The following CDK17 variants were observed in gnomAD, a reference collection of about 807,000 sequenced individuals.
CDK17 encodes cyclin dependent kinase 17, also known as cyclin-dependent kinase 17.
In CDK17, 24 loss-of-function variants were observed where a neutral mutation model predicts 77.6. The ratio of observed to expected loss-of-function variants is 0.31; its 90% CI spans 0.22 to 0.44. CDK17 has a LOEUF of 0.44. Ranked by LOEUF, CDK17 falls within the 20% of genes least tolerant of loss-of-function variation. The pLI is 1.00. For synonymous variants in CDK17, 203 were observed against 210.4 expected (o/e 0.96, Z 0.30); for missense variants, 429 against 622.5 (o/e 0.69, Z 3.31).
intron 1 of CDK17, among the ~76,000 whole-genome samples, chr12:96,393,685 G>C (rs1954113490): frequency 6.6e-6 from 1 of 152,046 alleles, no homozygotes; most frequent in Non-Finnish European, 1.5e-5. Context: ...AAGAAGCAGT[G>C]ATCACACCAC....
intron 1 of CDK17, among the ~76,000 whole-genome samples, chr12:96,386,329 A>C (rs1376391472): frequency 6.6e-6 from 1 of 152,138 alleles, no homozygotes; most frequent in Non-Finnish European, 1.5e-5. Flanking sequence ...TCACTTCAAA[A>C]AATTTCCACA....
At chr12:96,330,788 T>C (rs1952955538) in intron 2 of CDK17, among the ~76,000 whole-genome samples, 1 of 152,258 alleles carries the variant, frequency 6.6e-6, no homozygotes, top group South Asian at 2.1e-4. Flanking sequence ...TTAGCTGTTG[T>C]GAATAGTGCT....
intron 1 of CDK17, among the ~76,000 whole-genome samples, chr12:96,378,816 A>C (rs909407583): frequency 6.6e-6 from 1 of 152,234 alleles, no homozygotes; most frequent in African/African-American, 2.4e-5. Flanking sequence ...AGATATGGAA[A>C]GATCTCCAGA....
chr12:96,390,383 G>A (rs527348680), intron 1 of CDK17, among the ~76,000 whole-genome samples: 2 of 146,482 alleles, frequency 1.4e-5, no homozygotes, highest in African/African-American at 5.0e-5. Context: ...CACCCACCTA[G>A]GCCTCCCAAA....
In CDK17 at chr12:96,400,179, G is replaced by T. The variant is rs1592782754; in HGVS notation, c.-223C>A. The T allele has an allele frequency of 5.1e-6, 2 of 394,576 alleles. No homozygotes were observed. The highest frequency in any genetic ancestry group is 9.0e-6 in the Non-Finnish European group (2 of 223,454). 24.4% of individuals were successfully genotyped at this position (394,576 alleles called of 1,614,324 possible). A position where few individuals can be genotyped will look rare whatever the true frequency, so the allele number is the denominator to read the frequency against. On this transcript the variant is annotated 5_prime_UTR_variant, in exon 1 of 17. Transcript: ENST00000261211. ...CGCCGCGGGTCCGGAGCCTCGGGAG[G>T]GGCCGCGGGTGTCTCACGCGTTGCC...
At chr12:96,398,887 G>A (rs189872807) in intron 1 of CDK17, among the ~76,000 whole-genome samples, 3 of 152,304 alleles carry the variant, frequency 2.0e-5, no homozygotes, top group Admixed American at 2.0e-4. Flanking sequence ...TGTAAAGGAG[G>A]CGAGAGCCAC....
intron 10 of CDK17, among the ~76,000 whole-genome samples, chr12:96,292,230 ACT>A (rs1385545318): frequency 6.6e-6 from 1 of 152,144 alleles, no homozygotes; most frequent in Non-Finnish European, 1.5e-5. Flanking sequence ...TCCAGAATAA[ACT>A]CACCATTTAA....
intron 2 of CDK17, among the ~76,000 whole-genome samples, chr12:96,333,953 C>T (rs1953006012): frequency 6.6e-6 from 1 of 152,120 alleles, no homozygotes; most frequent in Non-Finnish European, 1.5e-5. Flanking sequence ...AAGTCCAGAG[C>T]CCACTCCACT....
chr12:96,283,908 T>C (rs1026070638), intron 13 of CDK17, among the ~76,000 whole-genome samples: 1 of 152,220 alleles, frequency 6.6e-6, no homozygotes, highest in Non-Finnish European at 1.5e-5. Flanking sequence ...AAAATCACCA[T>C]GCTGTCTCAA....
At chr12:96,367,485 G>A (rs970259058) in intron 1 of CDK17, among the ~76,000 whole-genome samples, 1 of 151,430 alleles carries the variant, frequency 6.6e-6, no homozygotes, top group African/African-American at 2.4e-5. Flanking sequence ...ATAAGAAAAT[G>A]TGAATTATAC....
intron 4 of CDK17, among the ~76,000 whole-genome samples, chr12:96,312,466 A>G (rs1205034428): frequency 1.3e-5 from 2 of 152,192 alleles, no homozygotes; most frequent in Non-Finnish European, 2.9e-5. Context: ...TTTCATTAGT[A>G]TTGTGTCACA....
At chr12:96,309,469 T>C (rs1414451300) in intron 5 of CDK17, among the ~76,000 whole-genome samples, 1 of 152,238 alleles carries the variant, frequency 6.6e-6, no homozygotes, top group Non-Finnish European at 1.5e-5. Flanking sequence ...AACAATCACC[T>C]GAATTTACAT....
At chr12:96,371,976 G>A (rs1244737484) in intron 1 of CDK17, among the ~76,000 whole-genome samples, 1 of 136,576 alleles carries the variant, frequency 7.3e-6, no homozygotes, top group East Asian at 2.1e-4. Context: ...GAGGGGGGAC[G>A]GAGAGAGAGA....
intron 1 of CDK17, among the ~76,000 whole-genome samples, chr12:96,360,682 C>T (rs1433956720): frequency 7.9e-5 from 12 of 152,166 alleles, no homozygotes; most frequent in African/African-American, 2.9e-4. Flanking sequence ...AAGCAGACAA[C>T]AATGCAGTGT....
At chr12:96,334,620 A>C in intron 2 of CDK17, 99 bp downstream of exon 2, 1 of 665,994 alleles carries the variant, frequency 1.5e-6, no homozygotes, top group Non-Finnish European at 2.6e-6. Flanking sequence ...AGAAATAAAC[A>C]AAGGGAAGCT....
chr12:96,281,926 T>C (rs914556138), intron 15 of CDK17: 4 of 152,202 alleles, frequency 2.6e-5, no homozygotes, highest in African/African-American at 4.8e-5. Flanking sequence ...CCACTCACCT[T>C]ACTCTATTTT....
chr12:96,374,312 G>C (rs896613750), intron 1 of CDK17, among the ~76,000 whole-genome samples: 20 of 152,152 alleles, frequency 1.3e-4, no homozygotes, highest in Admixed American at 6.6e-5. Flanking sequence ...GTGAACAGCC[G>C]TTATTTTGTA....
At chr12:96,289,026 T>C in intron 11 of CDK17, 141 bp downstream of exon 11, 1 of 809,776 alleles carries the variant, frequency 1.2e-6, no homozygotes, top group South Asian at 1.9e-5. Flanking sequence ...CTAATTCCCA[T>C]GCCAGAACTC....
At chr12:96,382,590 A>G (rs934139850) in intron 1 of CDK17, among the ~76,000 whole-genome samples, 4 of 152,170 alleles carry the variant, frequency 2.6e-5, no homozygotes, top group South Asian at 2.1e-4. Context: ...TCCCCGATGA[A>G]CATAGACACA....
Sources: allele counts gnomAD v4.1 joint callset (sites outside exome capture counted in the v4.1 genomes callset), GRCh38; gene constraint gnomAD v4.1.1; transcripts MANE v1.5; gene names NCBI Gene and HGNC (gene_info 2026-07-23, HGNC 2026-07-21).